CFAP74: variants seen among roughly 807,000 people sequenced by gnomAD.
The protein encoded by CFAP74 is cilia and flagella associated protein 74.
CFAP74 carries 124 observed loss-of-function variants against 188.9 expected under a neutral mutation model. The ratio of observed to expected loss-of-function variants is 0.66; its 90% CI spans 0.57 to 0.76. CFAP74 has a LOEUF of 0.76. Ranked by LOEUF, CFAP74 falls within the 30% of genes least tolerant of loss-of-function variation. The pLI is 0.00. For missense variants in CFAP74, 2,198 were observed against 2,165.2 expected (o/e 1.02, Z -0.30); for synonymous variants, 956 against 916.7 (o/e 1.04, Z -0.77).
At position 1,927,136 on chromosome 1, in the gene CFAP74, G is replaced by A. The variant is rs1651972216; in HGVS notation, c.3528-108C>T. Reference sequence around the variant, plus strand: ...GGGTCCCAGGGTCCCAGGGTCCCAAGCTGTGGCTGTCCCAGTTGTGTCTGA... The same window carrying A: ...GGGTCCCAGGGTCCCAGGGTCCCAAACTGTGGCTGTCCCAGTTGTGTCTGA... On this transcript the variant is annotated intron_variant, in intron 28 of 38. Coordinates refer to ENST00000682832, the MANE Select transcript of CFAP74 (RefSeq NM_001304360.2). 3.0e-6 allele frequency: 4 copies of A among 1,318,174 alleles called. No homozygotes were observed. The South Asian group carries it at 5.6e-5, about 19-fold the overall frequency. The allele number at this position is 1,318,174 out of a possible 1,614,324, so 81.7% of individuals were successfully genotyped here.
intron 18 of CFAP74, chr1:1,954,610 C>T (rs1654415000): frequency 5.9e-6 from 1 of 170,082 alleles, no homozygotes; most frequent in African/African-American, 2.4e-5. Flanking sequence ...TGGCGAAACC[C>T]TGTGTCTACA....
intron 25 of CFAP74, among the ~76,000 whole-genome samples, chr1:1,930,996 T>C (rs183299286): frequency 2.0e-5 from 3 of 152,316 alleles, no homozygotes; most frequent in African/African-American, 7.2e-5. Context: ...TTGATTTTTG[T>C]CCTAATTGTA....
Position 1,924,373 on chromosome 1 carries a change from C to T in CFAP74, c.4234+18G>A. On this transcript the variant is annotated intron_variant, in intron 34 of 38. Transcript: ENST00000682832. The stretch of plus-strand genomic sequence containing the variant: ...CCCACCCCCGCAGCTCACCACCCAC[C>T]CCCCACCCCCCGCTCACCGACCACC... 1.8e-5 allele frequency: 5 copies of T among 277,290 alleles called. No homozygotes were observed. Among genetic ancestry groups the T allele is most frequent in the Non-Finnish European group, 3.1e-5 (5 of 160,772 alleles). The allele number at this position is 277,290 out of a possible 1,614,324, so 17.2% of individuals were successfully genotyped here. A position where few individuals can be genotyped will look rare whatever the true frequency, so the allele number is the denominator to read the frequency against.
At chr1:1,958,862 C>A (rs549609387) in intron 16 of CFAP74, among the ~76,000 whole-genome samples, 1 of 152,172 alleles carries the variant, frequency 6.6e-6, no homozygotes, top group East Asian at 1.9e-4. Context: ...GCCCTGCAGT[C>A]TGGGCTCCAC....
At chr1:1,941,427 A>T (rs1258187423) in intron 22 of CFAP74, among the ~76,000 whole-genome samples, 1 of 152,236 alleles carries the variant, frequency 6.6e-6, no homozygotes, top group African/African-American at 2.4e-5. Flanking sequence ...GCAGAAATCA[A>T]AGTTCACCTG....
chr1:1,964,799 C>T, intron 13 of CFAP74, 89 bp downstream of exon 13: 1 of 1,455,826 alleles, frequency 6.9e-7, no homozygotes, highest in Non-Finnish European at 9.4e-7. Flanking sequence ...CAAAAAAAAG[C>T]AAAAGGTGTC....
chr1:1,971,261 A>G (rs537617053), intron 9 of CFAP74, among the ~76,000 whole-genome samples: 1 of 146,828 alleles, frequency 6.8e-6, no homozygotes, highest in South Asian at 2.2e-4. Flanking sequence ...TCACGCATGC[A>G]CACACATGCA....
chr1:1,982,777 G>C (rs1409199854), intron 6 of CFAP74, among the ~76,000 whole-genome samples: 1 of 152,222 alleles, frequency 6.6e-6, no homozygotes, highest in African/African-American at 2.4e-5. Context: ...AAATGAGGGT[G>C]GTGGGAGGCA....
intron 3 of CFAP74, 106 bp from the exon 4 acceptor site, chr1:1,988,761 G>A (rs745437596): frequency 4.8e-4 from 658 of 1,379,132 alleles, no homozygotes; most frequent in Non-Finnish European, 5.6e-4. Flanking sequence ...GCTTCAGGGC[G>A]GGAGCTGCGG....
chr1:1,996,920 C>CA (rs200261557), intron 1 of CFAP74, among the ~76,000 whole-genome samples: 8,573 of 84,320 alleles, frequency 0.1, 475 homozygotes, highest in South Asian at 0.28. Flanking sequence ...GACTCTGTCT[C>CA]AAAAAAAAAA....
intron 1 of CFAP74, among the ~76,000 whole-genome samples, chr1:1,999,891 C>T (rs913013325): frequency 6.6e-5 from 10 of 151,458 alleles, no homozygotes; most frequent in African/African-American, 1.5e-4. Flanking sequence ...ACAGGCCGGG[C>T]GCGGTGGCTC....
At chr1:1,938,542 G>A (rs775122465) in intron 25 of CFAP74, among the ~76,000 whole-genome samples, 4 of 151,624 alleles carry the variant, frequency 2.6e-5, no homozygotes, top group African/African-American at 7.3e-5. Flanking sequence ...ACAGTGATAC[G>A]TCTGCGCACA....
At position 1,923,621 on chromosome 1, in the gene CFAP74, A is replaced by C; in HGVS notation, c.4390-122T>G. Reference sequence around the variant, plus strand: ...GCCTGGGGGCCCCGTGGGGCCCTGGACTCTGGTCTTTCCACTGACGGCCCT... The same window carrying C: ...GCCTGGGGGCCCCGTGGGGCCCTGGCCTCTGGTCTTTCCACTGACGGCCCT... On this transcript the variant is annotated intron_variant, in intron 35 of 38. Transcript: ENST00000682832. This position sits in a 1 kb window ranked among gnomAD's most constrained non-coding sequence, Gnocchi z 6.3. The C allele has an allele frequency of 2.6e-6, 4 of 1,518,954 alleles. No homozygotes were observed. Among genetic ancestry groups the C allele is most frequent in the Non-Finnish European group, 3.6e-6 (4 of 1,120,460 alleles). 94.1% of individuals were successfully genotyped at this position (1,518,954 alleles called of 1,614,324 possible).
At chr1:1,962,945 T>C (rs1416691239) in intron 14 of CFAP74, among the ~76,000 whole-genome samples, 1 of 151,842 alleles carries the variant, frequency 6.6e-6, no homozygotes, top group Non-Finnish European at 1.5e-5. Context: ...AAGGAAAACA[T>C]CAGACACCAA....
rs536229667 is a variant in CFAP74 at position 1,999,859 on chromosome 1, T to C, written c.-20+3842A>G. On this transcript the variant is annotated intron_variant, in intron 1 of 38. Transcript: ENST00000682832. The stretch of plus-strand genomic sequence containing the variant: ...CAAATCTTTTGTTCAGATGACATCC[T>C]AGGGAAAGTTAAAGAAAACCTACAG... Among the ~76,000 whole-genome samples the C allele has an allele frequency of 2.0e-5, 3 of 146,666 alleles. No individual in the cohort carries two copies. In the Admixed American group the frequency reaches 2.1e-4, roughly 10 times the overall value.
chr1:1,974,181 A>G lies in CFAP74; in HGVS notation c.518T>C (p.Ile173Thr). The change falls in exon 7 of 39, where the codon ATC becomes ACC. Residue 173 changes from isoleucine to threonine, a missense_variant. Physicochemically the swap from Ile to Thr is moderately conservative, Grantham distance 89. Coordinates refer to ENST00000682832, the MANE Select transcript of CFAP74 (RefSeq NM_001304360.2). ...CTCGAGTCGCCCCTCCTGGATCTCG[A>G]TGTGCCACATGGTGTTCCTTCAAAC... Reference protein sequence around the residue: ...LKESENTMWHIEIQEGRLEAF... With the variant: ...LKESENTMWHTEIQEGRLEAF... The G allele has an allele frequency of 6.2e-7, 1 of 1,606,074 alleles. No individual in the cohort carries two copies. Among genetic ancestry groups the G allele is most frequent in the African/African-American group, 1.3e-5 (1 of 74,722 alleles).
intron 1 of CFAP74, among the ~76,000 whole-genome samples, chr1:1,996,625 TCTC>T (rs1265456085): frequency 6.6e-6 from 1 of 152,020 alleles, no homozygotes; most frequent in Non-Finnish European, 1.5e-5. Context: ...AGAAAGAAGG[TCTC>T]CTGAAATACT....
rs920117789 is a variant in CFAP74, at chr1:1,942,464, C to G, written c.2487-308G>C. On this transcript the variant is annotated intron_variant, in intron 21 of 38. Transcript: ENST00000682832. This position sits in a 1 kb window ranked among gnomAD's most constrained non-coding sequence, Gnocchi z 4.3. ...CCGGGAAGAGCACCTGCCAGGCAGC[C>G]CCTGGGTGCGGGGCCCTGGAGGGGA... Among the ~76,000 whole-genome samples the G allele has an allele frequency of 6.6e-6, 1 of 152,130 alleles. No individual in the cohort carries two copies. Among genetic ancestry groups the G allele is most frequent in the Non-Finnish European group, 1.5e-5 (1 of 67,998 alleles).
At chr1:1,961,438 C>T (rs951042965) in intron 14 of CFAP74, among the ~76,000 whole-genome samples, 8 of 152,150 alleles carry the variant, frequency 5.3e-5, no homozygotes, top group African/African-American at 1.9e-4. Flanking sequence ...CCGAGGCCAC[C>T]TCCCACTCCA....
Sources: gnomAD v4.1 joint callset for allele counts (sites outside exome capture counted in the v4.1 genomes callset) on GRCh38, gnomAD v4.1.1 for gene constraint, Gnocchi (gnomAD v3.1) non-coding constraint, MANE v1.5 for transcripts, NCBI Gene and HGNC (gene_info 2026-07-23, HGNC 2026-07-21) for gene names.